The following SKAP2 variants were observed in gnomAD, a reference collection of about 807,000 sequenced individuals.
SKAP2 encodes src kinase associated phosphoprotein 2, also known as src kinase-associated phosphoprotein 2.
In SKAP2, 28 loss-of-function variants were observed where a neutral mutation model predicts 54.9. The ratio of observed to expected loss-of-function variants is 0.51; its 90% CI spans 0.38 to 0.70. SKAP2 has a LOEUF of 0.70. SKAP2 is among the 30% of genes least tolerant of loss of function. The pLI is 0.00. For synonymous variants in SKAP2, 137 were observed against 134.3 expected (o/e 1.02, Z -0.14); for missense variants, 356 against 424.1 (o/e 0.84, Z 1.41).
At chr7:26,824,319 G>T (rs1391782789) in intron 4 of SKAP2, among the ~76,000 whole-genome samples, 5 of 152,196 alleles carry the variant, frequency 3.3e-5, no homozygotes, top group Non-Finnish European at 4.4e-5. Context: ...ACAATAGTGT[G>T]CTGGGAGGTA....
At chr7:26,855,687 G>A (rs755214910) in intron 1 of SKAP2, among the ~76,000 whole-genome samples, 10 of 151,686 alleles carry the variant, frequency 6.6e-5, no homozygotes, top group African/African-American at 2.4e-4. Flanking sequence ...TCTAAATTAC[G>A]GTGCTGTCTG....
At chr7:26,663,233 T>C (rs145510946), downstream of SKAP2, among the ~76,000 whole-genome samples, 2,723 of 152,222 alleles carry the variant, frequency 0.018, 33 homozygotes, top group Non-Finnish European at 0.028. Context: ...GTCAGTACTA[T>C]AGGGTGTATT....
At chr7:26,657,027 CAAG>C in the SKAP2 span, among the ~76,000 whole-genome samples, 5 of 152,086 alleles carry the variant, frequency 3.3e-5, no homozygotes, top group Non-Finnish European at 7.4e-5. Flanking sequence ...AAGTAAAAAA[CAAG>C]AATAGCTACA....
intron 10 of SKAP2, among the ~76,000 whole-genome samples, chr7:26,687,367 A>G (rs567999206): frequency 3.0e-4 from 45 of 151,928 alleles, no homozygotes; most frequent in African/African-American, 1.0e-3. Flanking sequence ...GCTTTCTATA[A>G]TCTTGATGAT....
chr7:26,857,154 CTTTTT>C (rs34940910), intron 1 of SKAP2, among the ~76,000 whole-genome samples: 2 of 132,030 alleles, frequency 1.5e-5, no homozygotes, highest in South Asian at 2.4e-4. Context: ...TGGGTATGGT[CTTTTT>C]TTTTTTTTTT....
At chr7:26,795,581 C>G (rs1276686307) in intron 4 of SKAP2, among the ~76,000 whole-genome samples, 2 of 152,120 alleles carry the variant, frequency 1.3e-5, no homozygotes, top group Non-Finnish European at 1.5e-5. Context: ...TTAGCCACCT[C>G]AAATCCATTT....
intron 4 of SKAP2, among the ~76,000 whole-genome samples, chr7:26,814,374 T>C (rs1307937287): frequency 1.3e-5 from 2 of 152,136 alleles, no homozygotes; most frequent in African/African-American, 2.4e-5. Context: ...TACAGAGAGA[T>C]ATTTACTGCT....
intron 3 of SKAP2, among the ~76,000 whole-genome samples, chr7:26,853,815 C>G (rs1785100149): frequency 6.6e-6 from 1 of 152,122 alleles, no homozygotes; most frequent in Non-Finnish European, 1.5e-5. Context: ...TCTGCTTCAC[C>G]AAGTTATTCC....
At chr7:26,663,322 T>C (rs1170639372), downstream of SKAP2, among the ~76,000 whole-genome samples, 1 of 152,030 alleles carries the variant, frequency 6.6e-6, no homozygotes, top group Non-Finnish European at 1.5e-5. Flanking sequence ...AGTCCTTACT[T>C]ATCTCTTAAT....
rs553626582 is a variant in SKAP2, at chr7:26,840,701, T to C, written c.307+3329A>G. On this transcript the variant is annotated intron_variant, in intron 4 of 12. Transcript: ENST00000345317. ...AGTCTAGAAACTATTACGATTTTTT[T>C]GTTTTCCAGAAAAAAATCAAGCATA... 7.2e-5 allele frequency among the ~76,000 whole-genome samples: 11 copies of C among 152,198 alleles called. No individual in the cohort carries two copies. In the South Asian group the frequency reaches 2.3e-3, roughly 32 times the overall value.
chr7:26,766,550 G>A (rs113131087), intron 4 of SKAP2, among the ~76,000 whole-genome samples: 3 of 152,128 alleles, frequency 2.0e-5, no homozygotes, highest in Admixed American at 1.3e-4. Flanking sequence ...GTCTTGAGCC[G>A]GTTTTCAAAG....
the SKAP2 span, among the ~76,000 whole-genome samples, chr7:26,655,410 G>C: frequency 6.6e-6 from 1 of 152,062 alleles, no homozygotes; most frequent in Non-Finnish European, 1.5e-5. Context: ...TAATAAACTT[G>C]AATGCTAAAA....
chr7:26,824,686 T>C (rs1204668392), intron 4 of SKAP2, among the ~76,000 whole-genome samples: 1 of 152,218 alleles, frequency 6.6e-6, no homozygotes, highest in Non-Finnish European at 1.5e-5. Context: ...TGTGGGACTA[T>C]GGTCTGTGTA....
intron 4 of SKAP2, among the ~76,000 whole-genome samples, chr7:26,778,492 A>G (rs1000724534): frequency 7.2e-5 from 11 of 152,092 alleles, no homozygotes; most frequent in African/African-American, 2.2e-4. Flanking sequence ...AGAACAGCAA[A>G]GAACTTTGAA....
At chr7:26,733,454 AGTT>A (rs1373905563) in intron 6 of SKAP2, among the ~76,000 whole-genome samples, 52 of 152,114 alleles carry the variant, frequency 3.4e-4, no homozygotes, top group African/African-American at 6.7e-4. Context: ...CTTTCTATTA[AGTT>A]GTTGTTACAA....
chr7:26,821,958 C>A (rs1283689880), intron 4 of SKAP2, among the ~76,000 whole-genome samples: 1 of 152,178 alleles, frequency 6.6e-6, no homozygotes, highest in Middle Eastern at 3.2e-3. Context: ...CAACTCTTAT[C>A]TCTGCCTGCT....
At chr7:26,862,353 T>C (rs553035352) in intron 1 of SKAP2, among the ~76,000 whole-genome samples, 1 of 152,192 alleles carries the variant, frequency 6.6e-6, no homozygotes, top group African/African-American at 2.4e-5. Context: ...TTGTTAAATT[T>C]CTTTAAACAT....
intron 4 of SKAP2, among the ~76,000 whole-genome samples, chr7:26,801,758 T>C (rs1783919674): frequency 6.6e-6 from 1 of 152,170 alleles, no homozygotes. Context: ...CCATTTACAA[T>C]AGCCACACAT....
At chr7:26,815,561 A>T (rs1387747232) in intron 4 of SKAP2, among the ~76,000 whole-genome samples, 2 of 152,122 alleles carry the variant, frequency 1.3e-5, no homozygotes, top group African/African-American at 4.8e-5. Context: ...AACCAATATA[A>T]CTTATGGTGC....
Sources: gnomAD v4.1 joint callset for allele counts (sites outside exome capture counted in the v4.1 genomes callset) on GRCh38, gnomAD v4.1.1 for gene constraint, MANE v1.5 for transcripts, NCBI Gene and HGNC (gene_info 2026-07-23, HGNC 2026-07-21) for gene names.